Variants in ANO10 observed in about 807,000 individuals in gnomAD.
The protein encoded by ANO10 is anoctamin-10.
Under a neutral mutation model 74.7 loss-of-function variants are expected in ANO10, and 77 were observed. The ratio of observed to expected loss-of-function variants is 1.03; its 90% CI spans 0.86 to 1.25. ANO10 has a LOEUF of 1.25. Ranked by LOEUF, ANO10 falls within the 50% of genes most tolerant of loss-of-function variation. ANO10 has a pLI of 0.00. For synonymous variants in ANO10, 279 were observed against 284.9 expected (o/e 0.98, Z 0.21); for missense variants, 721 against 778.1 (o/e 0.93, Z 0.87).
rs1418788554 is a variant in ANO10 at position 43,653,923 on chromosome 3, T to TG, written c.-12+37593dup. Among the ~76,000 whole-genome samples, 9 of 90,874 alleles carry TG rather than the reference T, an allele frequency of 9.9e-5. No homozygotes were observed. The East Asian group carries it at 1.7e-3, about 17-fold the overall frequency. The allele number at this position is 90,874 out of a possible 152,430, so 59.6% of individuals were successfully genotyped here. ...CAGTGAGATGCAAAGAGCAGTTTGC[T>TG]GGGGTTTTTTTTTTTTTTGCAACTT... On this transcript the variant is annotated intron_variant, in intron 1 of 3. Transcript: ENST00000413397.
intron 12 of ANO10, among the ~76,000 whole-genome samples, chr3:43,422,819 C>T (rs1027949436): frequency 3.3e-5 from 5 of 152,160 alleles, no homozygotes; most frequent in African/African-American, 9.7e-5. Context: ...CACTTACATA[C>T]ATTGTTTACT....
At chr3:43,656,679 C>CG (rs552218464) in intron 1 of ANO10, among the ~76,000 whole-genome samples, 64 of 152,352 alleles carry the variant, frequency 4.2e-4, no homozygotes, top group Middle Eastern at 3.4e-3. Flanking sequence ...GATGCTAAGT[C>CG]CCTCATTGCC....
intron 11 of ANO10, among the ~76,000 whole-genome samples, chr3:43,490,860 T>G (rs540313408): frequency 6.6e-6 from 1 of 152,142 alleles, no homozygotes; most frequent in Non-Finnish European, 1.5e-5. Context: ...GGTTGCTGAC[T>G]CTCTTTCTAA....
chr3:43,565,514 T>C (rs1233175220), intron 8 of ANO10, 139 bp downstream of exon 8: 4 of 784,726 alleles, frequency 5.1e-6, no homozygotes, highest in Admixed American at 2.9e-5. Context: ...TAATTTTTTA[T>C]TTAGAATTTG....
rs1338422072 is a variant in ANO10 at position 43,671,624 on chromosome 3, G to A, written c.-12+19893C>T. ...GAAACAGTTTAGTATAACTACAGGT[G>A]TTATCATGATAACTATAATTTGTGT... On this transcript the variant is annotated intron_variant, in intron 1 of 3. Coordinates refer to the ANO10 transcript ENST00000413397. Among the ~76,000 whole-genome samples, 5 of 152,090 alleles carry A rather than the reference G, an allele frequency of 3.3e-5. No homozygotes were observed. In the East Asian group the frequency reaches 9.6e-4, roughly 29 times the overall value.
In ANO10 at chr3:43,580,380, G is replaced by C; in HGVS notation, c.565C>G (p.Arg189Gly). ...LKKLEDTWYTRFALKYQPIDS... is the reference protein window; with the variant it reads ...LKKLEDTWYTGFALKYQPIDS... ...ATGGGCTGATACTTCAAAGCAAACCGAGTGTACCAGGTGTCCTCAAGCTTC... is the reference window on the plus strand; with the variant it reads ...ATGGGCTGATACTTCAAAGCAAACCCAGTGTACCAGGTGTCCTCAAGCTTC... The change falls in exon 5 of 13, where the codon CGG (arginine) becomes GGG (glycine). Residue 189 changes from arginine (R) to glycine (G), a missense_variant. By Grantham distance (125) the Arg-to-Gly change is moderately radical (BLOSUM62 -2). Transcript: ENST00000292246. 4.3e-6 allele frequency: 7 copies of C among 1,613,992 alleles called. No homozygotes were observed. The highest frequency in any genetic ancestry group is 5.9e-6 in the Non-Finnish European group (7 of 1,179,970).
At chr3:43,572,702 A>G (rs747335239) in intron 7 of ANO10, among the ~76,000 whole-genome samples, 13 of 152,250 alleles carry the variant, frequency 8.5e-5, no homozygotes, top group South Asian at 6.2e-4. Context: ...TCCTGCACCA[A>G]TGGGTTTCCT....
At chr3:43,499,347 T>C (rs961769079) in intron 11 of ANO10, among the ~76,000 whole-genome samples, 2 of 152,128 alleles carry the variant, frequency 1.3e-5, no homozygotes, top group African/African-American at 4.8e-5. Context: ...TCAAATGATA[T>C]ACCTCCATAG....
At chr3:43,507,017 G>C (rs772232253) in intron 11 of ANO10, among the ~76,000 whole-genome samples, 13 of 152,296 alleles carry the variant, frequency 8.5e-5, no homozygotes, top group Non-Finnish European at 1.8e-4. Flanking sequence ...CTCGCATCAA[G>C]TAGGTGCTAA....
intron 12 of ANO10, among the ~76,000 whole-genome samples, chr3:43,392,343 G>C (rs1182841231): frequency 6.6e-6 from 1 of 152,144 alleles, no homozygotes; most frequent in Admixed American, 6.5e-5. Context: ...ATAAATATCA[G>C]TGTAGGATAC....
chr3:43,624,529 C>T (rs2083475358), upstream of ANO10, among the ~76,000 whole-genome samples: 1 of 152,156 alleles, frequency 6.6e-6, no homozygotes, highest in African/African-American at 2.4e-5. Flanking sequence ...TCTGTTGCTC[C>T]TGCTCTCGCC....
chr3:43,397,460 A>G (rs1054801411), intron 12 of ANO10, among the ~76,000 whole-genome samples: 2 of 152,084 alleles, frequency 1.3e-5, no homozygotes, highest in Non-Finnish European at 2.9e-5. Context: ...GATACAGTTA[A>G]GTTAGAAGCA....
At chr3:43,661,471 C>T (rs1450194838) in intron 1 of ANO10, among the ~76,000 whole-genome samples, 1 of 152,162 alleles carries the variant, frequency 6.6e-6, no homozygotes, top group Non-Finnish European at 1.5e-5. Flanking sequence ...GTAAAGATCA[C>T]TGATGCTATG....
At chr3:43,630,199 T>C (rs2083532055) in intron 1 of ANO10, among the ~76,000 whole-genome samples, 1 of 152,184 alleles carries the variant, frequency 6.6e-6, no homozygotes, top group East Asian at 1.9e-4. Flanking sequence ...ATGACAGCAC[T>C]AGGATGAACA....
intron 1 of ANO10, among the ~76,000 whole-genome samples, chr3:43,641,645 G>GA: frequency 6.6e-6 from 1 of 152,316 alleles, no homozygotes; most frequent in Non-Finnish European, 1.5e-5. Context: ...ATATTCTATT[G>GA]AAAATGTCTG....
chr3:43,564,208 A>G (rs1315175246), intron 8 of ANO10, among the ~76,000 whole-genome samples: 3 of 151,960 alleles, frequency 2.0e-5, no homozygotes, highest in African/African-American at 7.3e-5. Context: ...AACTTTTTGT[A>G]TATTTGGTAG....
chr3:43,421,793 G>A (rs1026966413), intron 12 of ANO10, among the ~76,000 whole-genome samples: 13 of 151,924 alleles, frequency 8.6e-5, no homozygotes, highest in African/African-American at 2.4e-4. Context: ...AGCTGTGATC[G>A]TGCCACTGCA....
chr3:43,541,966 T>C (rs2078977124), intron 11 of ANO10, among the ~76,000 whole-genome samples: 3 of 152,310 alleles, frequency 2.0e-5, no homozygotes, highest in South Asian at 2.1e-4. Context: ...TGGACACCCA[T>C]GTGAGGGCCA....
chr3:43,677,765 T>C (rs533519149), intron 1 of ANO10, among the ~76,000 whole-genome samples: 1 of 152,332 alleles, frequency 6.6e-6, no homozygotes. Flanking sequence ...CCTTACAGCA[T>C]GGTGGTCTCA....
Sources: gnomAD v4.1 joint callset for allele counts (sites outside exome capture counted in the v4.1 genomes callset) on GRCh38, gnomAD v4.1.1 for gene constraint, MANE v1.5 for transcripts, NCBI Gene and HGNC (gene_info 2026-07-23, HGNC 2026-07-21) for gene names.